The following CSMD3 variants were observed in gnomAD, a reference collection of about 807,000 sequenced individuals.
The protein encoded by CSMD3 is CUB and Sushi multiple domains 3.
CSMD3 carries 177 observed loss-of-function variants against 435.2 expected under a neutral mutation model. That is an observed-to-expected ratio of 0.41 (90% confidence interval 0.36 to 0.46). The LOEUF (loss-of-function observed/expected upper bound fraction) is 0.46. CSMD3 is among the 20% of genes least tolerant of loss of function. The pLI, the probability that CSMD3 is intolerant of heterozygous loss-of-function variation, is 0.34. For synonymous variants in CSMD3, 1,656 were observed against 1,520.5 expected, an observed-to-expected ratio of 1.09 and a Z score of -2.07; for missense variants, 4,265 against 4,504.6, an observed-to-expected ratio of 0.95 and a Z score of 1.52.
At chr8:113,389,204 AATATT>A (rs953135843) in intron 1 of CSMD3, among the ~76,000 whole-genome samples, 2 of 151,692 alleles carry the variant, frequency 1.3e-5, no homozygotes, top group Non-Finnish European at 3.0e-5. Context: ...GGACAAAAGG[AATATT>A]CTCTTGCACT....
intron 5 of CSMD3, among the ~76,000 whole-genome samples, chr8:113,056,033 T>C (rs2088321662): frequency 6.6e-6 from 1 of 152,156 alleles, no homozygotes; most frequent in African/African-American, 2.4e-5. Context: ...GAGGATAAGG[T>C]AGTGTTGTCC....
chr8:113,079,430 AT>A (rs200388592), intron 5 of CSMD3, among the ~76,000 whole-genome samples: 1 of 151,356 alleles, frequency 6.6e-6, no homozygotes, highest in Non-Finnish European at 1.5e-5. Flanking sequence ...TCACACTTTG[AT>A]TTTTTTTTCA....
chr8:113,193,278 A>G (rs555856862), intron 3 of CSMD3, among the ~76,000 whole-genome samples: 38 of 151,452 alleles, frequency 2.5e-4, no homozygotes, highest in Middle Eastern at 6.8e-3. Flanking sequence ...TATTTAGCTG[A>G]GGTAGAAAAT....
In CSMD3 at chr8:112,231,103, C is replaced by T. The variant is rs1444677181; in HGVS notation, c.10828+442G>A. On this transcript the variant is annotated intron_variant, in intron 69 of 70. Transcript: ENST00000297405. ...AAGTCCCCAAAAGGGGCCCATTCCT[C>T]AAAGTTATTTTCTCTTTCCAGACTC... is the stretch of plus-strand genomic sequence containing the variant. Among the ~76,000 whole-genome samples, 3 of 152,310 alleles carry T rather than the reference C, an allele frequency of 2.0e-5. No homozygotes were observed. The East Asian group carries it at 5.8e-4, about 29-fold the overall frequency.
intron 4 of CSMD3, among the ~76,000 whole-genome samples, chr8:113,170,006 T>C (rs926489924): frequency 1.3e-5 from 2 of 152,074 alleles, no homozygotes; most frequent in Non-Finnish European, 1.5e-5. Context: ...ACCCTCTAGG[T>C]TGATGTGGAA....
rs192152109 is a variant in CSMD3 at position 113,410,277 on chromosome 8, T to C, written c.178+26400A>G. On this transcript the variant is annotated intron_variant, in intron 1 of 70. Transcript: ENST00000297405. Reference sequence around the variant, plus strand: ...TCCAACAGTCATATTGTAGACTCATTAAGAAGACTGTGTGTCTACCTTTTC... The same window carrying C: ...TCCAACAGTCATATTGTAGACTCATCAAGAAGACTGTGTGTCTACCTTTTC... 2.6e-5 allele frequency among the ~76,000 whole-genome samples: 4 copies of C among 152,324 alleles called. No homozygotes were observed. In the East Asian group the frequency reaches 7.7e-4, roughly 29 times the overall value.
At chr8:112,672,889 C>G (rs1366969638) in intron 16 of CSMD3, among the ~76,000 whole-genome samples, 2 of 152,042 alleles carry the variant, frequency 1.3e-5, no homozygotes, top group Non-Finnish European at 2.9e-5. Context: ...GTGCTTCAGA[C>G]TGCATTCAGA....
intron 10 of CSMD3, among the ~76,000 whole-genome samples, chr8:112,913,982 C>A (rs2082504293): frequency 1.3e-5 from 2 of 151,722 alleles, no homozygotes; most frequent in African/African-American, 4.8e-5. Flanking sequence ...CTGGAGTAGC[C>A]CATTGATCTC....
intron 13 of CSMD3, among the ~76,000 whole-genome samples, chr8:112,692,751 T>C (rs1035723418): frequency 6.6e-6 from 1 of 152,172 alleles, no homozygotes; most frequent in Non-Finnish European, 1.5e-5. Flanking sequence ...CCTGAGATAA[T>C]GTGGTCCAAA....
intron 1 of CSMD3, among the ~76,000 whole-genome samples, chr8:113,325,929 C>A (rs1260875635): frequency 1.3e-5 from 2 of 152,168 alleles, no homozygotes; most frequent in Non-Finnish European, 1.5e-5. Flanking sequence ...TGAAAAACTA[C>A]AGTGCCAATA....
In CSMD3 at chr8:113,172,629, G is replaced by A. The variant is rs547722613; in HGVS notation, c.709+1093C>T. 2.6e-5 allele frequency among the ~76,000 whole-genome samples: 4 copies of A among 152,278 alleles called. No individual in the cohort carries two copies. In the East Asian group the frequency reaches 7.7e-4, roughly 29 times the overall value. ...TAAATGAGACTCAAATTGTTGAACT[G>A]ATTTTCCTGAGGTAACTCACATGGC... On this transcript the variant is annotated intron_variant, in intron 4 of 70. Coordinates refer to ENST00000297405, the MANE Select transcript of CSMD3 (RefSeq NM_198123.2).
At chr8:113,275,237 T>G (rs2093560908) in intron 3 of CSMD3, among the ~76,000 whole-genome samples, 1 of 152,128 alleles carries the variant, frequency 6.6e-6, no homozygotes, top group South Asian at 2.1e-4. Flanking sequence ...TTAGATACAT[T>G]AAGTATCTTC....
chr8:112,311,062 G>T lies in CSMD3; in HGVS notation c.7801C>A (p.Arg2601=), dbSNP rs2130813791. ...ACAGCACTGCTTTTTCCAACAAGTC[G>T]GAATCCTCGATCACAGGCCCAACGG... ...VVRWACDRGF[R]LVGKSSAVCR... is the part of the protein sequence containing the mutation. The change falls in exon 50 of 71, where the codon CGA becomes AGA. Residue 2601 remains arginine (R), a synonymous_variant. Transcript: ENST00000297405. 7 of 1,613,984 alleles carry T rather than the reference G, an allele frequency of 4.3e-6. No homozygotes were observed. Among genetic ancestry groups the T allele is most frequent in the Non-Finnish European group, 5.9e-6 (7 of 1,179,970 alleles).
intron 15 of CSMD3, among the ~76,000 whole-genome samples, chr8:112,684,583 T>C (rs2131798200): frequency 6.6e-6 from 1 of 152,262 alleles, no homozygotes; most frequent in South Asian, 2.1e-4. Context: ...TTCAGGTATA[T>C]TTGCAAACAG....
chr8:112,689,628 G>A (rs1394999084), intron 14 of CSMD3, among the ~76,000 whole-genome samples: 1 of 151,934 alleles, frequency 6.6e-6, no homozygotes, highest in Non-Finnish European at 1.5e-5. Context: ...GAAATAAAAT[G>A]TTGTAAGAAC....
intron 3 of CSMD3, among the ~76,000 whole-genome samples, chr8:113,226,197 G>A (rs565662897): frequency 6.6e-6 from 1 of 151,530 alleles, no homozygotes; most frequent in East Asian, 1.9e-4. Flanking sequence ...GTGTTATAAT[G>A]TTATTATAGT....
intron 22 of CSMD3, among the ~76,000 whole-genome samples, chr8:112,626,223 C>T (rs1834461762): frequency 6.6e-6 from 1 of 152,072 alleles, no homozygotes; most frequent in South Asian, 2.1e-4. Flanking sequence ...GGCAGTCCTA[C>T]TCTCTCGTAT....
intron 18 of CSMD3, among the ~76,000 whole-genome samples, chr8:112,655,541 A>T (rs1210640013): frequency 6.6e-6 from 1 of 152,010 alleles, no homozygotes; most frequent in African/African-American, 2.4e-5. Context: ...AAAAATCAAA[A>T]TATTTTAGAC....
chr8:112,306,663 C>T (rs1379599771), intron 50 of CSMD3, among the ~76,000 whole-genome samples: 1 of 152,064 alleles, frequency 6.6e-6, no homozygotes, highest in African/African-American at 2.4e-5. Context: ...ATTTATTTTA[C>T]CTGAAAGCTG....
Sources: gnomAD v4.1 joint callset for allele counts (sites outside exome capture counted in the v4.1 genomes callset) on GRCh38, gnomAD v4.1.1 for gene constraint, MANE v1.5 for transcripts, NCBI Gene and HGNC (gene_info 2026-07-23, HGNC 2026-07-21) for gene names.